The following HSPB7 variants were observed in gnomAD, a reference collection of about 807,000 sequenced individuals.
HSPB7 encodes heat shock protein family B (small) member 7, also known as heat shock protein beta-7.
Under a neutral mutation model 11.0 loss-of-function variants are expected in HSPB7, and 9 were observed. The observed-to-expected ratio is 0.82, with a 90% CI of 0.49 to 1.43. HSPB7 has a LOEUF of 1.43. HSPB7 is among the 40% of genes most tolerant of loss of function. HSPB7 has a pLI of 0.00. For missense variants in HSPB7, 246 were observed against 243.9 expected (o/e 1.01, Z -0.06); for synonymous variants, 102 against 101.6 (o/e 1.00, Z -0.02).
In HSPB7 at chr1:16,014,919, C is replaced by T. The variant is rs1429121556; in HGVS notation, c.*661G>A. 4 of 152,582 alleles carry T rather than the reference C, an allele frequency of 2.6e-5. No homozygotes were observed. The highest frequency in any genetic ancestry group is 2.1e-4 in the South Asian group (1 of 4,832). The allele number at this position is 152,582 out of a possible 1,614,324, so 9.5% of individuals were successfully genotyped here. A position where few individuals can be genotyped will look rare whatever the true frequency, so the allele number is the denominator to read the frequency against. The stretch of plus-strand genomic sequence containing the variant: ...GGCAGGAGTTTCATGCAGTTTATCA[C>T]GAACCAGCTGTATTGGAAAAACCCC... On this transcript the variant is annotated 3_prime_UTR_variant, in exon 3 of 3. Coordinates refer to ENST00000311890, the MANE Select transcript of HSPB7 (RefSeq NM_014424.5).
chr1:16,017,789 G>T lies in HSPB7; in HGVS notation c.175C>A (p.His59Asn), dbSNP rs1045871249. 2.5e-6 allele frequency: 4 copies of T among 1,609,614 alleles called. No individual in the cohort carries two copies. Among genetic ancestry groups the T allele is most frequent in the Non-Finnish European group, 3.4e-6 (4 of 1,178,092 alleles). The change falls in exon 1 of 3, where the codon CAC (histidine) becomes AAC (asparagine). Residue 59 changes from histidine to asparagine, a missense_variant. His to Asn is a moderately conservative substitution (Grantham distance 68). Transcript: ENST00000311890. ...SDDFGSFMRP[H>N]SEPLAFPARP... ...CCTGGGAAGGCCAGGGGCTCCGAGT[G>T]GGGCCGCATGAAGCTGCCAAAGTCA... is the stretch of plus-strand genomic sequence containing the variant.
At chr1:16,018,448 G>T (rs796607767), upstream of HSPB7, 23 of 1,153,480 alleles carry the variant, frequency 2.0e-5, no homozygotes, top group African/African-American at 3.8e-4. Flanking sequence ...TCAGTGTGCA[G>T]GCTCCTTGGG....
At chr1:16,018,765 G>C, upstream of HSPB7, 1 of 1,085,460 alleles carries the variant, frequency 9.2e-7, no homozygotes, top group African/African-American at 1.7e-5. Flanking sequence ...GAGCGCCTTA[G>C]GTGGGATTTC....
Position 16,015,645 on chromosome 1 carries a change from G to T in HSPB7, c.448C>A (p.Arg150=), listed in dbSNP as rs764260228. The T allele has an allele frequency of 6.2e-7, 1 of 1,613,828 alleles. No homozygotes were observed. The highest frequency in any genetic ancestry group is 1.3e-5 in the African/African-American group (1 of 74,922). ...ALREDGSLTI[R]ARRHPHTEHV... ...TCTGTATGCGGGTGACGCCGTGCCC[G>T]GATAGTGAGGCTGCCGTCCTCCCGC... The change falls in exon 3 of 3, where the codon CGG becomes AGG. Residue 150 remains arginine (R), a synonymous_variant. Coordinates refer to ENST00000311890, the MANE Select transcript of HSPB7 (RefSeq NM_014424.5). The surrounding 1 kb of genome is among the most constrained non-coding windows in gnomAD (Gnocchi z 4.9).
chr1:16,016,072 A>C (rs1235429347), intron 2 of HSPB7, among the ~76,000 whole-genome samples: 1 of 152,222 alleles, frequency 6.6e-6, no homozygotes, highest in Non-Finnish European at 1.5e-5. Flanking sequence ...GGGAACGTGG[A>C]GGTGACAGAG....
rs1400736576 is a variant in HSPB7 at position 16,016,925 on chromosome 1, G to T, written c.333+149C>A. Reference sequence around the variant, plus strand: ...GGGGCCCCATGGCCATGGGTTGCAGGGACAAGGCCTTCAGTTAGCCCTGGG... The same window carrying T: ...GGGGCCCCATGGCCATGGGTTGCAGTGACAAGGCCTTCAGTTAGCCCTGGG... On this transcript the variant is annotated intron_variant, in intron 2 of 2. Coordinates refer to ENST00000311890, the MANE Select transcript of HSPB7 (RefSeq NM_014424.5). 10 of 775,726 alleles carry T rather than the reference G, an allele frequency of 1.3e-5. No homozygotes were observed. In the East Asian group the frequency reaches 2.6e-4, roughly 20 times the overall value. The allele number at this position is 775,726 out of a possible 1,614,324, so 48.1% of individuals were successfully genotyped here. A position where few individuals can be genotyped will look rare whatever the true frequency, so the allele number is the denominator to read the frequency against.
Position 16,014,592 on chromosome 1 carries a change from G to C in HSPB7, c.*988C>G, listed in dbSNP as rs1000133857. The C allele has an allele frequency of 3.3e-5, 5 of 152,180 alleles. No individual in the cohort carries two copies. Among genetic ancestry groups the C allele is most frequent in the African/African-American group, 1.2e-4 (5 of 41,424 alleles). 9.4% of individuals were successfully genotyped at this position (152,180 alleles called of 1,614,324 possible). On this transcript the variant is annotated 3_prime_UTR_variant, in exon 3 of 3. Transcript: ENST00000311890. ...GCTCTGAATTTGGCCTCAACCAATG[G>C]TAATGCTGAGTATTTGAAGGACAAC...
Position 16,015,659 on chromosome 1 carries a change from C to T in HSPB7, c.434G>A (p.Gly145Asp). 1 of 1,613,712 alleles carries T rather than the reference C, an allele frequency of 6.2e-7. No individual in the cohort carries two copies. Among genetic ancestry groups the T allele is most frequent in the Non-Finnish European group, 8.5e-7 (1 of 1,179,872 alleles). The change falls in exon 3 of 3, where the codon GGC (glycine) becomes GAC (aspartate). Residue 145 changes from glycine (G) to aspartate (D), a missense_variant. Gly to Asp is a moderately conservative substitution (Grantham distance 94). Coordinates refer to ENST00000311890, the MANE Select transcript of HSPB7 (RefSeq NM_014424.5). This position sits in a 1 kb window ranked among gnomAD's most constrained non-coding sequence, Gnocchi z 4.9. ...TSVTSALRED[G>D]SLTIRARRHP... ...ACGCCGTGCCCGGATAGTGAGGCTG[C>T]CGTCCTCCCGCAGAGCCGAGGTCAC...
At position 16,017,057 on chromosome 1, in the gene HSPB7, G is replaced by A. The variant is rs773219339; in HGVS notation, c.333+17C>T. On this transcript the variant is annotated intron_variant, in intron 2 of 2. Transcript: ENST00000311890. ...AGCAGAATTTGGGATGCGGTGAGTA[G>A]GGGGTGGGGGGCTCACCTTCTCAGC... is the stretch of plus-strand genomic sequence containing the variant. The A allele has an allele frequency of 3.1e-6, 5 of 1,599,672 alleles. No homozygotes were observed. In the South Asian group the frequency reaches 5.5e-5, roughly 18 times the overall value.
chr1:16,018,343 A>G (rs1385258720), upstream of HSPB7: 2 of 1,228,106 alleles, frequency 1.6e-6, no homozygotes, highest in Non-Finnish European at 2.1e-6. Context: ...TTTGGGGTTT[A>G]TTGTGTGTTT....
At chr1:16,017,300 C>T (rs2021810363) in intron 1 of HSPB7, 93 bp from the exon 2 acceptor site, 1 of 1,510,422 alleles carries the variant, frequency 6.6e-7, no homozygotes, top group South Asian at 1.2e-5. Context: ...AGGGGCGGCT[C>T]CCCCAGGCCC....
Position 16,015,189 on chromosome 1 carries a change from C to A in HSPB7, c.*391G>T. ...CCCTTGGCCAAGAGGGTTCCAGGTCCCTGGTCCCCTTGCCCTGCAGAGACT... is the reference window on the plus strand; with the variant it reads ...CCCTTGGCCAAGAGGGTTCCAGGTCACTGGTCCCCTTGCCCTGCAGAGACT... On this transcript the variant is annotated 3_prime_UTR_variant, in exon 3 of 3. Coordinates refer to ENST00000311890, the MANE Select transcript of HSPB7 (RefSeq NM_014424.5). This position sits in a 1 kb window ranked among gnomAD's most constrained non-coding sequence, Gnocchi z 4.9. 5.7e-6 allele frequency: 1 copy of A among 175,318 alleles called. No homozygotes were observed. The allele number at this position is 175,318 out of a possible 1,614,324, so 10.9% of individuals were successfully genotyped here.
In HSPB7 at chr1:16,015,664, C is replaced by G; in HGVS notation, c.429G>C (p.Glu143Asp). The G allele has an allele frequency of 6.2e-7, 1 of 1,613,710 alleles. No individual in the cohort carries two copies. Among genetic ancestry groups the G allele is most frequent in the Non-Finnish European group, 8.5e-7 (1 of 1,179,876 alleles). Reference sequence around the variant, plus strand: ...GTGCCCGGATAGTGAGGCTGCCGTCCTCCCGCAGAGCCGAGGTCACCGACG... The same window carrying G: ...GTGCCCGGATAGTGAGGCTGCCGTCGTCCCGCAGAGCCGAGGTCACCGACG... Reference protein sequence around the residue: ...DPTSVTSALREDGSLTIRARR... With the variant: ...DPTSVTSALRDDGSLTIRARR... The change falls in exon 3 of 3, where the codon GAG (glutamate) becomes GAC (aspartate). Residue 143 changes from glutamate (E) to aspartate (D), a missense_variant. By Grantham distance (45) the Glu-to-Asp change is conservative. Coordinates refer to ENST00000311890, the MANE Select transcript of HSPB7 (RefSeq NM_014424.5). This position sits in a 1 kb window ranked among gnomAD's most constrained non-coding sequence, Gnocchi z 4.9.
At chr1:16,018,145 G>C (rs750286288), upstream of HSPB7, 5 of 1,542,620 alleles carry the variant, frequency 3.2e-6, no homozygotes, top group South Asian at 3.6e-5. Flanking sequence ...TGGCCCAGAG[G>C]GGGCTGGAAA....
rs1232011121 is a variant in HSPB7 at position 16,017,788 on chromosome 1, T to C, written c.176A>G (p.His59Arg). Reference sequence around the variant, plus strand: ...GCCTGGGAAGGCCAGGGGCTCCGAGTGGGGCCGCATGAAGCTGCCAAAGTC... The same window carrying C: ...GCCTGGGAAGGCCAGGGGCTCCGAGCGGGGCCGCATGAAGCTGCCAAAGTC... ...SDDFGSFMRP[H>R]SEPLAFPARP... is the part of the protein sequence containing the mutation. The change falls in exon 1 of 3, where the codon CAC (histidine) becomes CGC (arginine). Residue 59 changes from histidine (H) to arginine (R), a missense_variant. Transcript: ENST00000311890. 1 of 1,609,180 alleles carries C rather than the reference T, an allele frequency of 6.2e-7. No individual in the cohort carries two copies. The highest frequency in any genetic ancestry group is 8.5e-7 in the Non-Finnish European group (1 of 1,177,854).
intron 1 of HSPB7, chr1:16,017,408 G>A (rs1276108316): frequency 6.1e-6 from 4 of 652,356 alleles, no homozygotes; most frequent in African/African-American, 5.5e-5. Context: ...CAGTGTGTGT[G>A]TATATGAGGC....
Position 16,015,543 on chromosome 1 carries a change from T to G in HSPB7, c.*37A>C, listed in dbSNP as rs1553122252. ...GTTAGCGAGGCTTTGCTGGCAGGCG[T>G]GGGGCGGGGGGACAGGGAAAGGGAA... On this transcript the variant is annotated 3_prime_UTR_variant, in exon 3 of 3. Transcript: ENST00000311890. The surrounding 1 kb of genome is among the most constrained non-coding windows in gnomAD (Gnocchi z 4.9). The G allele has an allele frequency of 1.2e-6, 2 of 1,603,240 alleles. No individual in the cohort carries two copies. Among genetic ancestry groups the G allele is most frequent in the South Asian group, 2.2e-5 (2 of 90,526 alleles).
chr1:16,017,456 G>A lies in HSPB7; in HGVS notation c.200-249C>T, dbSNP rs529933872. 928 of 591,250 alleles carry A rather than the reference G, an allele frequency of 1.6e-3. 8 individuals are homozygous for A. Among genetic ancestry groups the A allele is most frequent in the Middle Eastern group, 3.1e-3 (7 of 2,244 alleles). 36.6% of individuals were successfully genotyped at this position (591,250 alleles called of 1,614,324 possible). On this transcript the variant is annotated intron_variant, in intron 1 of 2. Transcript: ENST00000311890. ...AACCCCACCCCAGGCCTGGAGCCTG[G>A]GGGCTGCCCCCCACCGCTCACCCAT... is the stretch of plus-strand genomic sequence containing the variant.
intron 2 of HSPB7, among the ~76,000 whole-genome samples, chr1:16,016,107 C>T (rs1763599): frequency 0.62 from 93,611 of 152,212 alleles, 29,309 homozygotes; most frequent in East Asian, 0.77. Context: ...CCTGGATCCC[C>T]GGGCACATTG....
Sources: gnomAD v4.1 joint callset for allele counts (sites outside exome capture counted in the v4.1 genomes callset) on GRCh38, gnomAD v4.1.1 for gene constraint, Gnocchi (gnomAD v3.1) non-coding constraint, MANE v1.5 for transcripts, NCBI Gene and HGNC (gene_info 2026-07-23, HGNC 2026-07-21) for gene names.